Variants in CRADD observed in about 807,000 individuals in gnomAD.
CRADD encodes death domain-containing protein CRADD.
Under a neutral mutation model 15.5 loss-of-function variants are expected in CRADD, and 9 were observed. That is an observed-to-expected ratio of 0.58 (90% CI 0.35 to 1.01). The LOEUF (loss-of-function observed/expected upper bound fraction) is 1.01. CRADD is among the 50% of genes least tolerant of loss of function. The pLI is 0.02. For missense variants in CRADD, 227 were observed against 250.3 expected (o/e 0.91, Z 0.63); for synonymous variants, 118 against 107.6 (o/e 1.10, Z -0.60).
intron 2 of CRADD, among the ~76,000 whole-genome samples, chr12:93,724,671 A>G (rs1463380113): frequency 6.6e-6 from 1 of 152,152 alleles, no homozygotes; most frequent in East Asian, 1.9e-4. Context: ...CTGTTTGAAA[A>G]TTCTGTTATG....
intron 2 of CRADD, among the ~76,000 whole-genome samples, chr12:93,885,076 T>C (rs1294505331): frequency 1.3e-5 from 2 of 152,212 alleles, no homozygotes; most frequent in Non-Finnish European, 1.5e-5. Context: ...TCCTTTTTCC[T>C]GTACAGAAGG....
intron 2 of CRADD, among the ~76,000 whole-genome samples, chr12:93,703,745 T>G (rs1955885406): frequency 1.3e-5 from 2 of 152,128 alleles, no homozygotes; most frequent in Admixed American, 6.5e-5. Context: ...CCCAGGTACC[T>G]TTCACTCAGC....
chr12:93,883,546 C>T (rs1386738979), intron 2 of CRADD, among the ~76,000 whole-genome samples: 1 of 152,082 alleles, frequency 6.6e-6, no homozygotes, highest in Non-Finnish European at 1.5e-5. Context: ...ATGTTGGGTC[C>T]TATAATTACT....
At chr12:93,810,159 G>T (rs759709328) in intron 2 of CRADD, among the ~76,000 whole-genome samples, 3 of 152,132 alleles carry the variant, frequency 2.0e-5, no homozygotes, top group Non-Finnish European at 4.4e-5. Context: ...CTTGAAGTAG[G>T]ACATTCTGTG....
At chr12:93,877,730 A>T (rs1052056663) in intron 2 of CRADD, among the ~76,000 whole-genome samples, 3 of 151,812 alleles carry the variant, frequency 2.0e-5, no homozygotes, top group Non-Finnish European at 4.4e-5. Flanking sequence ...CTGGCCTGGG[A>T]TTCACTCTTT....
chr12:93,781,299 TC>T (rs1282712461), intron 2 of CRADD, among the ~76,000 whole-genome samples: 1 of 152,182 alleles, frequency 6.6e-6, no homozygotes, highest in Non-Finnish European at 1.5e-5. Flanking sequence ...ATTTGTCACT[TC>T]TGAGATTGTT....
At chr12:93,770,632 G>A (rs1370236889) in intron 2 of CRADD, among the ~76,000 whole-genome samples, 2 of 152,200 alleles carry the variant, frequency 1.3e-5, no homozygotes, top group African/African-American at 2.4e-5. Flanking sequence ...AATGGGTCCA[G>A]CTGTGGACTC....
chr12:93,856,410 G>C (rs1383749126), intron 2 of CRADD, among the ~76,000 whole-genome samples: 2 of 152,214 alleles, frequency 1.3e-5, no homozygotes, highest in African/African-American at 2.4e-5. Context: ...CATAGTCTCT[G>C]CTCTCAGGAT....
At chr12:93,859,868 A>G (rs1958305490) in intron 2 of CRADD, among the ~76,000 whole-genome samples, 1 of 149,600 alleles carries the variant, frequency 6.7e-6, no homozygotes, top group South Asian at 2.1e-4. Context: ...CTACAGAACT[A>G]CAGGCGCACC....
At position 93,847,968 on chromosome 12, in the gene CRADD, A is replaced by G. The variant is rs987558755; in HGVS notation, c.299-2002A>G. On this transcript the variant is annotated intron_variant, in intron 2 of 2. Transcript: ENST00000332896. ...TTCTGTTACATCCAAACAAAATTAC[A>G]TAGCTCTTACTGGAAAGAAAAGGTC... is the stretch of plus-strand genomic sequence containing the variant. 6.6e-5 allele frequency among the ~76,000 whole-genome samples: 10 copies of G among 152,338 alleles called. No individual in the cohort carries two copies. The South Asian group carries it at 1.7e-3, about 25-fold the overall frequency.
chr12:93,822,622 A>G (rs1957781239), intron 2 of CRADD, among the ~76,000 whole-genome samples: 1 of 152,166 alleles, frequency 6.6e-6, no homozygotes, highest in South Asian at 2.1e-4. Flanking sequence ...AAAAGAGGCC[A>G]TGGGAGGGAG....
intron 2 of CRADD, among the ~76,000 whole-genome samples, chr12:93,856,005 G>A (rs946836168): frequency 6.6e-6 from 1 of 151,990 alleles, no homozygotes. Context: ...ACGGGGTTTC[G>A]CCATACTGGC....
rs552092215 is a variant in CRADD, at chr12:93,706,050, T to G, written c.298+26978T>G. Among the ~76,000 whole-genome samples the G allele has an allele frequency of 2.6e-5, 4 of 152,364 alleles. No individual in the cohort carries two copies. In the South Asian group the frequency reaches 8.3e-4, roughly 32 times the overall value. ...TTTCTTCTCTTATTCTGGACTTGTC[T>G]TATAAAAAATACATGTACTCGTATA... On this transcript the variant is annotated intron_variant, in intron 2 of 2. Coordinates refer to ENST00000332896, the MANE Select transcript of CRADD (RefSeq NM_003805.5).
chr12:93,811,052 C>T (rs566888944), intron 2 of CRADD, among the ~76,000 whole-genome samples: 2 of 26,370 alleles, frequency 7.6e-5, no homozygotes, highest in Admixed American at 3.6e-4. Flanking sequence ...TTCCCTTAGC[C>T]CCCCCTCCTG....
In CRADD at chr12:93,888,286, A is replaced by C. The variant is rs181761202; in HGVS notation, c.299-5764A>C. ...TAAAAATACAAAAAAATTAGCGGGCATGGTGGTGGGCGCTTGTAGTCTTAG... is the reference window on the plus strand; with the variant it reads ...TAAAAATACAAAAAAATTAGCGGGCCTGGTGGTGGGCGCTTGTAGTCTTAG... On this transcript the variant is annotated intron_variant, in intron 2 of 2. Coordinates refer to the CRADD transcript ENST00000548483. Among the ~76,000 whole-genome samples the C allele has an allele frequency of 4.7e-3, 716 of 152,210 alleles. 8 individuals are homozygous for C. Among genetic ancestry groups the C allele is most frequent in the African/African-American group, 0.016 (680 of 41,526 alleles).
chr12:93,842,007 T>A (rs994357763), intron 2 of CRADD, among the ~76,000 whole-genome samples: 2 of 152,092 alleles, frequency 1.3e-5, no homozygotes, highest in African/African-American at 4.8e-5. Flanking sequence ...TAAAAAAAAA[T>A]ACCTGCTTAC....
At chr12:93,847,543 C>T (rs1014339912) in intron 2 of CRADD, among the ~76,000 whole-genome samples, 3 of 136,660 alleles carry the variant, frequency 2.2e-5, no homozygotes, top group Non-Finnish European at 3.1e-5. Flanking sequence ...TGAAATTGAC[C>T]CAAATGACTC....
chr12:93,759,718 C>G (rs1455173075), intron 2 of CRADD, among the ~76,000 whole-genome samples: 1 of 152,078 alleles, frequency 6.6e-6, no homozygotes, highest in Non-Finnish European at 1.5e-5. Flanking sequence ...CTTTGGTACA[C>G]AGGTTTACAG....
chr12:93,726,667 A>G lies in CRADD; in HGVS notation c.298+47595A>G, dbSNP rs145836639. 2.4e-3 allele frequency among the ~76,000 whole-genome samples: 367 copies of G among 152,300 alleles called. 2 individuals carry two copies. Among genetic ancestry groups the G allele is most frequent in the African/African-American group, 8.3e-3 (345 of 41,562 alleles). On this transcript the variant is annotated intron_variant, in intron 2 of 2. Coordinates refer to ENST00000332896, the MANE Select transcript of CRADD (RefSeq NM_003805.5). ...CAATAATAACACTGAAGTATAAAGA[A>G]CCACAATTTATTACTTTTTTCCTCA...
Sources: gnomAD v4.1 joint callset for allele counts (sites outside exome capture counted in the v4.1 genomes callset) on GRCh38, gnomAD v4.1.1 for gene constraint, MANE v1.5 for transcripts, NCBI Gene and HGNC (gene_info 2026-07-23, HGNC 2026-07-21) for gene names.